The following KLHL32 variants were observed in gnomAD, a reference collection of about 807,000 sequenced individuals.
The protein encoded by KLHL32 is kelch-like protein 32.
In KLHL32, 35 loss-of-function variants were observed where a neutral mutation model predicts 64.8. The observed-to-expected ratio is 0.54, with a 90% CI of 0.41 to 0.72. The LOEUF (loss-of-function observed/expected upper bound fraction) is 0.72, where lower values mean the gene tolerates loss of function less well. Among genes scored for constraint, KLHL32 ranks in the 30% least tolerant of loss-of-function variants. KLHL32 has a pLI of 0.00. For missense variants in KLHL32, 589 were observed against 768.5 expected (o/e 0.77, Z 2.76); for synonymous variants, 259 against 281.0 (o/e 0.92, Z 0.78).
the KLHL32 span, among the ~76,000 whole-genome samples, chr6:96,910,172 C>T: frequency 6.6e-6 from 1 of 152,150 alleles, no homozygotes; most frequent in Non-Finnish European, 1.5e-5. Flanking sequence ...TTTGGAATCT[C>T]CTTCATTTGG....
At chr6:96,904,591 TAC>T in the KLHL32 span, among the ~76,000 whole-genome samples, 8 of 152,314 alleles carry the variant, frequency 5.3e-5, no homozygotes, top group East Asian at 1.3e-3. Context: ...ATTAATTTGA[TAC>T]ACTTTCAATT....
chr6:97,023,732 G>A (rs1301860792), intron 3 of KLHL32, among the ~76,000 whole-genome samples: 3 of 152,180 alleles, frequency 2.0e-5, no homozygotes, highest in Non-Finnish European at 4.4e-5. Context: ...GTTCTACATG[G>A]ATAGTATCAC....
chr6:96,932,989 A>G (rs1770126864), intron 1 of KLHL32, among the ~76,000 whole-genome samples: 1 of 152,168 alleles, frequency 6.6e-6, no homozygotes, highest in Non-Finnish European at 1.5e-5. Flanking sequence ...AAATATTAAT[A>G]TATTCTGTAT....
In KLHL32 at chr6:97,019,108, A is replaced by G. The variant is rs1308327098; in HGVS notation, c.205-22384A>G. Among the ~76,000 whole-genome samples the G allele has an allele frequency of 5.3e-5, 8 of 152,248 alleles. No homozygotes were observed. The East Asian group carries it at 1.5e-3, about 29-fold the overall frequency. On this transcript the variant is annotated intron_variant, in intron 3 of 10. Transcript: ENST00000369261. The stretch of plus-strand genomic sequence containing the variant: ...TGATAATCTAGCCTCCTCCTATCAT[A>G]TACTTGCAATTGTAAAAAATACTCT...
At chr6:97,091,157 C>T (rs1933455) in intron 6 of KLHL32, among the ~76,000 whole-genome samples, 129,959 of 152,214 alleles carry the variant, frequency 0.85, 55,611 homozygotes, top group East Asian at 1. Flanking sequence ...TGCAGTGTGC[C>T]GTGATTGCAC....
chr6:97,029,218 A>G (rs1269049462), intron 3 of KLHL32, among the ~76,000 whole-genome samples: 1 of 152,230 alleles, frequency 6.6e-6, no homozygotes, highest in African/African-American at 2.4e-5. Context: ...CTAAACAGAC[A>G]GGATAAACCA....
chr6:96,949,534 CA>C (rs1772318908), intron 1 of KLHL32, among the ~76,000 whole-genome samples: 2 of 152,118 alleles, frequency 1.3e-5, no homozygotes, highest in Non-Finnish European at 2.9e-5. Flanking sequence ...TTGATAATCT[CA>C]TTTTTATTTT....
intron 1 of KLHL32, among the ~76,000 whole-genome samples, chr6:96,961,668 G>A (rs1394873131): frequency 6.6e-6 from 1 of 152,184 alleles, no homozygotes; most frequent in Non-Finnish European, 1.5e-5. Context: ...TAGAAAGTGG[G>A]GTGGTCTAAA....
chr6:96,905,457 G>T, the KLHL32 span, among the ~76,000 whole-genome samples: 6 of 152,234 alleles, frequency 3.9e-5, no homozygotes, highest in Middle Eastern at 0.017. Context: ...AGCAGCCATG[G>T]TGTAACATAA....
chr6:96,931,047 A>G (rs1434494583), intron 1 of KLHL32, among the ~76,000 whole-genome samples: 1 of 152,130 alleles, frequency 6.6e-6, no homozygotes, highest in East Asian at 1.9e-4. Context: ...TGACAACTAG[A>G]AGTTTCCCTT....
At chr6:96,924,025 G>C (rs367556900), upstream of KLHL32, among the ~76,000 whole-genome samples, 8 of 152,254 alleles carry the variant, frequency 5.3e-5, 1 homozygote, top group African/African-American at 1.9e-4. Context: ...TGAATTAGTA[G>C]TAACCACAGT....
intron 4 of KLHL32, among the ~76,000 whole-genome samples, chr6:97,056,759 C>T (rs973657844): frequency 1.3e-5 from 2 of 152,154 alleles, no homozygotes; most frequent in Non-Finnish European, 2.9e-5. Context: ...TCTGTCACAG[C>T]TGGGTGCAGT....
intron 5 of KLHL32, among the ~76,000 whole-genome samples, chr6:97,081,859 T>C (rs1356243840): frequency 1.3e-5 from 2 of 152,208 alleles, no homozygotes; most frequent in Admixed American, 6.5e-5. Flanking sequence ...CCTGCTGTAG[T>C]CCTGGCACAT....
At chr6:97,100,928 A>G (rs1401950876) in intron 6 of KLHL32, among the ~76,000 whole-genome samples, 1 of 140,274 alleles carries the variant, frequency 7.1e-6, no homozygotes, top group African/African-American at 2.7e-5. Flanking sequence ...TCAGACTCCC[A>G]AGTAGCTGGA....
At chr6:96,957,129 T>C (rs1041930277) in intron 1 of KLHL32, among the ~76,000 whole-genome samples, 3 of 152,224 alleles carry the variant, frequency 2.0e-5, no homozygotes, top group South Asian at 2.1e-4. Flanking sequence ...ACTCCTGATA[T>C]CTAGTTCAAT....
intron 1 of KLHL32, among the ~76,000 whole-genome samples, chr6:96,937,420 A>G (rs1255102332): frequency 2.0e-5 from 3 of 152,190 alleles, no homozygotes; most frequent in Non-Finnish European, 4.4e-5. Context: ...ACTTATTTGC[A>G]GATAACTAGC....
At chr6:97,108,552 A>C (rs1251005257) in intron 6 of KLHL32, among the ~76,000 whole-genome samples, 1 of 152,204 alleles carries the variant, frequency 6.6e-6, no homozygotes, top group Non-Finnish European at 1.5e-5. Flanking sequence ...GGTGATTTTG[A>C]AGTGGCCCAT....
chr6:97,078,404 G>C (rs1454833646), intron 5 of KLHL32, among the ~76,000 whole-genome samples: 1 of 152,162 alleles, frequency 6.6e-6, no homozygotes, highest in Non-Finnish European at 1.5e-5. Flanking sequence ...TTGTCTAAGT[G>C]AAGTGCATCA....
intron 4 of KLHL32, among the ~76,000 whole-genome samples, chr6:97,050,668 C>A (rs1786742159): frequency 6.6e-6 from 1 of 152,138 alleles, no homozygotes; most frequent in African/African-American, 2.4e-5. Context: ...CAGGCACAGA[C>A]ATTTTCCTTT....
Sources: gnomAD v4.1 joint callset for allele counts (sites outside exome capture counted in the v4.1 genomes callset) on GRCh38, gnomAD v4.1.1 for gene constraint, MANE v1.5 for transcripts, NCBI Gene and HGNC (gene_info 2026-07-23, HGNC 2026-07-21) for gene names.